IL36A: variants seen among roughly 807,000 people sequenced by gnomAD.
The protein encoded by IL36A is interleukin 36 alpha, also known as interleukin-36 alpha.
IL36A carries 13 observed loss-of-function variants against 12.7 expected under a neutral mutation model. The ratio of observed to expected loss-of-function variants is 1.02; its 90% CI spans 0.67 to 1.63. The LOEUF (loss-of-function observed/expected upper bound fraction) is 1.63, where lower values mean the gene tolerates loss of function less well. Among genes scored for constraint, IL36A ranks in the 40% most tolerant of loss-of-function variants. The pLI, the probability that IL36A is intolerant of heterozygous loss-of-function variation, is 0.00. For synonymous variants in IL36A, 73 were observed against 71.9 expected (o/e 1.01, Z -0.08); for missense variants, 195 against 192.9 (o/e 1.01, Z -0.07).
At chr2:113,010,714 T>C (rs1240111078), downstream of IL36A, among the ~76,000 whole-genome samples, 1 of 152,214 alleles carries the variant, frequency 6.6e-6, no homozygotes, top group Non-Finnish European at 1.5e-5. Flanking sequence ...ATCCTATAAT[T>C]ACTTGTATTA....
chr2:113,006,626 T>C lies in IL36A; in HGVS notation c.153T>C (p.His51=), dbSNP rs2105026896. The change falls in exon 3 of 4, where the codon CAT becomes CAC. Residue 51 remains histidine (H), a synonymous_variant. Transcript: ENST00000259211. ...CTATTGCCTTAATCTCATGCCGACATGTGGAGACCCTTGAGAAAGACAGAG... is the reference window on the plus strand; with the variant it reads ...CTATTGCCTTAATCTCATGCCGACACGTGGAGACCCTTGAGAAAGACAGAG... ...PVTIALISCR[H]VETLEKDRGN... is the part of the protein sequence containing the mutation. 1 of 1,614,104 alleles carries C rather than the reference T, an allele frequency of 6.2e-7. No homozygotes were observed. The highest frequency in any genetic ancestry group is 8.5e-7 in the Non-Finnish European group (1 of 1,180,022).
rs1339398470 is a variant in IL36A at position 113,005,688 on chromosome 2, G to A, written c.-184G>A. On this transcript the variant is annotated 5_prime_UTR_variant, in exon 1 of 4. Transcript: ENST00000259211. ...CTGGAGGTAGACTGCATCCAACAAAGTAAGGGTGCTGGGTGAGTTCTGGGA... is the reference window on the plus strand; with the variant it reads ...CTGGAGGTAGACTGCATCCAACAAAATAAGGGTGCTGGGTGAGTTCTGGGA... 1.5e-6 allele frequency: 1 copy of A among 667,044 alleles called. No homozygotes were observed. The allele number at this position is 667,044 out of a possible 1,614,324, so 41.3% of individuals were successfully genotyped here. A position where few individuals can be genotyped will look rare whatever the true frequency, so the allele number is the denominator to read the frequency against.
At chr2:113,006,199 G>C in intron 2 of IL36A, 112 bp downstream of exon 2, 1 of 734,350 alleles carries the variant, frequency 1.4e-6, no homozygotes, top group Non-Finnish European at 2.4e-6. Context: ...CTACAGAGAG[G>C]AGCATCTCAC....
In IL36A at chr2:113,006,707, A is replaced by T; in HGVS notation, c.234A>T (p.Lys78Asn). Residue 78 changes from lysine (K) to asparagine (N), a missense_variant, in exon 3 of 4, where the codon AAA (lysine) becomes AAT (asparagine). Transcript: ENST00000259211. ...TCAATCTCTGCCTGATGTGTGCTAA[A>T]GTCGGGGACCAGCCCACACTGCAGC... ...NGLNLCLMCAKVGDQPTLQLK... is the reference protein window; with the variant it reads ...NGLNLCLMCANVGDQPTLQLK... The T allele has an allele frequency of 1.2e-6, 2 of 1,614,192 alleles. No individual in the cohort carries two copies. Among genetic ancestry groups the T allele is most frequent in the Non-Finnish European group, 8.5e-7 (1 of 1,180,036 alleles).
Position 113,005,867 on chromosome 2 carries a change from C to T in IL36A, c.-5C>T. The T allele has an allele frequency of 6.2e-7, 1 of 1,614,058 alleles. No homozygotes were observed. The highest frequency in any genetic ancestry group is 8.5e-7 in the Non-Finnish European group (1 of 1,179,988). On this transcript the variant is annotated 5_prime_UTR_variant, in exon 1 of 4. Coordinates refer to ENST00000259211, the MANE Select transcript of IL36A (RefSeq NM_014440.3). ...CCTTGGCAGTTCTGAAACAACACCACCACAATGGAAAAAGGTAAAGATCCT... is the reference window on the plus strand; with the variant it reads ...CCTTGGCAGTTCTGAAACAACACCATCACAATGGAAAAAGGTAAAGATCCT...
chr2:113,009,562 G>T (rs1430324896), downstream of IL36A, among the ~76,000 whole-genome samples: 5 of 152,254 alleles, frequency 3.3e-5, no homozygotes, highest in Non-Finnish European at 7.4e-5. Context: ...GAATATTGTG[G>T]TTATAATATT....
At chr2:113,009,332 A>G (rs1021115155), downstream of IL36A, among the ~76,000 whole-genome samples, 11 of 151,756 alleles carry the variant, frequency 7.2e-5, no homozygotes, top group Non-Finnish European at 1.2e-4. Context: ...AAGACTATAA[A>G]TCATGCTGCT....
chr2:113,006,936 C>A (rs1015099938), intron 3 of IL36A, among the ~76,000 whole-genome samples, 199 bp downstream of exon 3: 1 of 152,090 alleles, frequency 6.6e-6, no homozygotes, highest in African/African-American at 2.4e-5. Context: ...TTTTAATTTA[C>A]AAAAATATTA....
At chr2:113,011,002 A>G (rs1573357685), downstream of IL36A, among the ~76,000 whole-genome samples, 1 of 152,176 alleles carries the variant, frequency 6.6e-6, no homozygotes, top group Admixed American at 6.5e-5. Context: ...CTCATTTCAC[A>G]TAGCATGATA....
chr2:113,007,987 T>C lies in IL36A; in HGVS notation c.420T>C (p.Leu140=). 2 of 1,614,228 alleles carry C rather than the reference T, an allele frequency of 1.2e-6. No homozygotes were observed. The highest frequency in any genetic ancestry group is 8.5e-7 in the Non-Finnish European group (1 of 1,180,038). ...CTGAAGGAGGCTGTCCTCTCATCCT[T>C]ACCCAAGAACTGGGGAAAGCCAACA... is the stretch of plus-strand genomic sequence containing the variant. The part of the protein sequence containing the change: ...VSSEGGCPLI[L]TQELGKANTT... Residue 140 remains leucine, a synonymous_variant, in exon 4 of 4, where the codon CTT becomes CTC. Coordinates refer to ENST00000259211, the MANE Select transcript of IL36A (RefSeq NM_014440.3).
chr2:113,007,784 CAT>C, intron 3 of IL36A, 46 bp from the exon 4 acceptor site: 1 of 1,460,074 alleles, frequency 6.8e-7, no homozygotes, highest in Middle Eastern at 1.7e-4. Flanking sequence ...GAATGTGAAA[CAT>C]TCAAACAGTT....
downstream of IL36A, among the ~76,000 whole-genome samples, chr2:113,009,944 CTTCTTTTTAATCCTCTCTTATT>C (rs1438194690): frequency 3.3e-5 from 5 of 152,304 alleles, 1 homozygote; most frequent in South Asian, 4.1e-4. Context: ...ATTTTGAAGA[CTTCTTTTTAATCCTCTCTTATT>C]TTGAAGACTT....
At position 113,006,587 on chromosome 2, in the gene IL36A, C is replaced by A. The variant is rs111846441; in HGVS notation, c.125-11C>A. The A allele has an allele frequency of 3.1e-6, 5 of 1,613,480 alleles. 1 individual carries two copies. Among genetic ancestry groups the A allele is most frequent in the South Asian group, 2.2e-5 (2 of 90,946 alleles). The stretch of plus-strand genomic sequence containing the variant: ...GGCAGCTGAACACCACTTTTCACAT[C>A]GTGTTCCCAGTCACTATTGCCTTAA... On this transcript the variant is annotated splice_polypyrimidine_tract_variant and intron_variant, in intron 2 of 3. Transcript: ENST00000259211.
At chr2:113,007,692 C>T (rs937986999) in intron 3 of IL36A, 140 bp from the exon 4 acceptor site, 1 of 624,104 alleles carries the variant, frequency 1.6e-6, no homozygotes, top group African/African-American at 1.8e-5. Context: ...GATTTTCAAT[C>T]CCATAATATG....
chr2:113,006,462 T>G lies in IL36A; in HGVS notation c.125-136T>G. On this transcript the variant is annotated intron_variant, in intron 2 of 3. Transcript: ENST00000259211. ...CCCAAACATAGGATGGGTGTCCCGG[T>G]TAGGTGGTGGGTGGTGAGGTGACCA... The G allele has an allele frequency of 5.7e-6, 5 of 878,252 alleles. No homozygotes were observed. In the South Asian group the frequency reaches 8.0e-5, roughly 14 times the overall value. The allele number at this position is 878,252 out of a possible 1,614,324, so 54.4% of individuals were successfully genotyped here. A position where few individuals can be genotyped will look rare whatever the true frequency, so the allele number is the denominator to read the frequency against.
chr2:113,006,093 T>C lies in IL36A; in HGVS notation c.124+6T>C. 1 of 1,579,232 alleles carries C rather than the reference T, an allele frequency of 6.3e-7. No individual in the cohort carries two copies. The highest frequency in any genetic ancestry group is 8.7e-7 in the Non-Finnish European group (1 of 1,148,428). ...GAAGGACCGTATGTCTCCAGGTGAG[T>C]AGCCACGGTCTGTGAAAGGCAGCTC... On this transcript the variant is annotated splice_donor_region_variant and intron_variant, in intron 2 of 3. Transcript: ENST00000259211.
downstream of IL36A, among the ~76,000 whole-genome samples, chr2:113,009,449 G>C (rs190012819): frequency 3.2e-4 from 48 of 150,910 alleles, no homozygotes; most frequent in Non-Finnish European, 2.9e-5. Context: ...AGAAAATGAA[G>C]CTTTCACCTA....
At chr2:113,006,192 CA>C (rs1270129194) in intron 2 of IL36A, 105 bp downstream of exon 2, 1 of 745,560 alleles carries the variant, frequency 1.3e-6, no homozygotes, top group African/African-American at 1.7e-5. Context: ...GGCATATCTA[CA>C]GAGAGGAGCA....
chr2:113,006,359 T>G (rs1229727027), intron 2 of IL36A, among the ~76,000 whole-genome samples: 1 of 151,890 alleles, frequency 6.6e-6, no homozygotes, highest in Non-Finnish European at 1.5e-5. Context: ...GGAGTAAGAG[T>G]AGGACAAAAG....
Sources: gnomAD v4.1 joint callset for allele counts (sites outside exome capture counted in the v4.1 genomes callset) on GRCh38, gnomAD v4.1.1 for gene constraint, MANE v1.5 for transcripts, NCBI Gene and HGNC (gene_info 2026-07-23, HGNC 2026-07-21) for gene names.